GSG1L: variants seen among roughly 807,000 people sequenced by gnomAD.
GSG1L encodes the protein GSG1 like.
Under a neutral mutation model 42.1 loss-of-function variants are expected in GSG1L, and 24 were observed. The observed-to-expected ratio is 0.57, with a 90% confidence interval of 0.41 to 0.80. The LOEUF is 0.80. Among genes scored for constraint, GSG1L ranks in the 30% least tolerant of loss-of-function variants. The pLI, the probability that GSG1L is intolerant of heterozygous loss-of-function variation, is 0.00. For missense variants in GSG1L, 445 were observed against 472.2 expected, an observed-to-expected ratio of 0.94 and a Z score of 0.53; for synonymous variants, 215 against 203.5, an observed-to-expected ratio of 1.06 and a Z score of -0.48.
intron 3 of GSG1L, among the ~76,000 whole-genome samples, chr16:27,876,634 C>A (rs1351913380): frequency 6.6e-6 from 1 of 152,208 alleles, no homozygotes; most frequent in Non-Finnish European, 1.5e-5. Flanking sequence ...CTGCTCACAA[C>A]CTAGTTCCCG....
At chr16:27,983,722 C>A (rs1162742635) in intron 1 of GSG1L, among the ~76,000 whole-genome samples, 2 of 152,120 alleles carry the variant, frequency 1.3e-5, no homozygotes, top group Admixed American at 6.6e-5. Context: ...CTATCTCATT[C>A]TCCAAGAGCA....
rs548270405 is a variant in GSG1L, at chr16:28,013,012, G to T, written c.350-49809C>A. On this transcript the variant is annotated intron_variant, in intron 1 of 6. Coordinates refer to ENST00000447459, the MANE Select transcript of GSG1L (RefSeq NM_001109763.2). ...GGCCGAGGCGGGTGGATCACCTGAG[G>T]TCAGGAGTTCGAGACCAGCCTGACC... Among the ~76,000 whole-genome samples the T allele has an allele frequency of 3.3e-5, 5 of 151,970 alleles. No individual in the cohort carries two copies. The East Asian group carries it at 9.7e-4, about 29-fold the overall frequency.
chr16:27,947,862 C>T (rs901502648), intron 2 of GSG1L, among the ~76,000 whole-genome samples: 18 of 152,128 alleles, frequency 1.2e-4, no homozygotes, highest in African/African-American at 3.9e-4. Flanking sequence ...GCTCTCGGAG[C>T]CCTTTGCACT....
chr16:27,874,441 C>CTTTTTTTTTTTT lies in GSG1L; in HGVS notation c.550+10033_550+10044dup, dbSNP rs71140916. Among the ~76,000 whole-genome samples the CTTTTTTTTTTTT allele has an allele frequency of 4.5e-3, 422 of 94,376 alleles. 57 individuals are homozygous for CTTTTTTTTTTTT. The highest frequency in any genetic ancestry group is 9.4e-3 in the African/African-American group (254 of 26,924). 61.9% of individuals were successfully genotyped at this position (94,376 alleles called of 152,430 possible). On this transcript the variant is annotated intron_variant, in intron 3 of 6. Coordinates refer to ENST00000447459, the MANE Select transcript of GSG1L (RefSeq NM_001109763.2). Reference sequence around the variant, plus strand: ...TCTGGACACTGAAGCACAGGAGAGCCTTTTTTTTTTTTTTTTTTTTTTTTT... The same window carrying CTTTTTTTTTTTT: ...TCTGGACACTGAAGCACAGGAGAGCCTTTTTTTTTTTTTTTTTTTTTTTTTTTTTTTTTTTTT...
rs150136747 is a variant in GSG1L at position 27,954,852 on chromosome 16, G to A, written c.397+8304C>T. On this transcript the variant is annotated intron_variant, in intron 2 of 6. Coordinates refer to ENST00000447459, the MANE Select transcript of GSG1L (RefSeq NM_001109763.2). ...TTTTAAATTTTTCATAGAAACAGGG[G>A]TCTCACTATGTTACCTGGGCTGGTC... Among the ~76,000 whole-genome samples, 3 of 152,184 alleles carry A rather than the reference G, an allele frequency of 2.0e-5. No homozygotes were observed. In the East Asian group the frequency reaches 5.8e-4, roughly 29 times the overall value.
Position 28,063,574 on chromosome 16 carries a change from GCC to G in GSG1L, c.-152_-151del. The G allele has an allele frequency of 4.1e-6, 1 of 242,778 alleles. No homozygotes were observed. The highest frequency in any genetic ancestry group is 6.6e-6 in the Non-Finnish European group (1 of 150,842). The allele number at this position is 242,778 out of a possible 1,614,324, so 15.0% of individuals were successfully genotyped here. A position where few individuals can be genotyped will look rare whatever the true frequency, so the allele number is the denominator to read the frequency against. Reference sequence around the variant, plus strand: ...GGCGGCGGACGCGGCGCGGGCCCATGCCCCCCCCAACCCCGGGGTGGGGGCGC... The same window carrying G: ...GGCGGCGGACGCGGCGCGGGCCCATGCCCCCCAACCCCGGGGTGGGGGCGC... On this transcript the variant is annotated 5_prime_UTR_variant, in exon 1 of 7. Transcript: ENST00000447459. The surrounding 1 kb of genome is among the most constrained non-coding windows in gnomAD (Gnocchi z 5.8).
intron 5 of GSG1L, among the ~76,000 whole-genome samples, chr16:27,826,184 C>T (rs111505949): frequency 6.6e-6 from 1 of 152,254 alleles, no homozygotes; most frequent in South Asian, 2.1e-4. Flanking sequence ...ACTTGGAGTG[C>T]CTGAGGGATG....
intron 1 of GSG1L, among the ~76,000 whole-genome samples, chr16:28,055,867 G>A (rs76127377): frequency 1.3e-3 from 204 of 152,280 alleles, no homozygotes; most frequent in Middle Eastern, 3.4e-3. Flanking sequence ...AGAGGCCCGA[G>A]GTTGCAGCAT....
intron 3 of GSG1L, among the ~76,000 whole-genome samples, chr16:27,850,921 A>G (rs2083506119): frequency 6.6e-6 from 1 of 152,018 alleles, no homozygotes; most frequent in Admixed American, 6.5e-5. Flanking sequence ...AATTACAGGC[A>G]TGAGCCACCG....
At chr16:28,054,363 T>C (rs916682641) in intron 1 of GSG1L, among the ~76,000 whole-genome samples, 20 of 152,266 alleles carry the variant, frequency 1.3e-4, no homozygotes, top group Middle Eastern at 3.4e-3. Context: ...CTCTTCCATA[T>C]CTCACCCACA....
intron 6 of GSG1L, among the ~76,000 whole-genome samples, chr16:27,806,420 C>T (rs555603939): frequency 6.6e-6 from 1 of 152,300 alleles, no homozygotes; most frequent in Admixed American, 6.5e-5. Flanking sequence ...TTTGGATTCC[C>T]CAGCAGCAGA....
intron 1 of GSG1L, among the ~76,000 whole-genome samples, chr16:28,004,218 C>G (rs866201289): frequency 3.9e-5 from 6 of 152,310 alleles, no homozygotes; most frequent in Admixed American, 2.0e-4. Flanking sequence ...TCAGTGCTGG[C>G]TGCTCCCTTG....
chr16:27,818,793 C>CT lies in GSG1L; in HGVS notation c.830+9995dup, dbSNP rs915497411. Among the ~76,000 whole-genome samples, 19 of 149,574 alleles carry CT rather than the reference C, an allele frequency of 1.3e-4. 1 individual carries two copies. Among genetic ancestry groups the CT allele is most frequent in the Admixed American group, 6.7e-4 (10 of 14,978 alleles). ...GAAATAAATGGGTTTTTAAGAAGGACTTTTTTTTTTCTTTTCCCATTTTCT... is the reference window on the plus strand; with the variant it reads ...GAAATAAATGGGTTTTTAAGAAGGACTTTTTTTTTTTCTTTTCCCATTTTCT... On this transcript the variant is annotated intron_variant, in intron 5 of 6. Transcript: ENST00000447459.
At chr16:28,022,737 G>A (rs205377) in intron 1 of GSG1L, among the ~76,000 whole-genome samples, 43,152 of 152,048 alleles carry the variant, frequency 0.28, 6,598 homozygotes, top group South Asian at 0.48. Flanking sequence ...GTGCAATCTC[G>A]GCTCACTGCA....
chr16:27,824,440 C>A (rs1463702892), intron 5 of GSG1L, among the ~76,000 whole-genome samples: 1 of 152,048 alleles, frequency 6.6e-6, no homozygotes. Flanking sequence ...TTCCTGGCTG[C>A]GGCTCCAAGG....
chr16:27,901,956 C>T (rs1490715221), intron 2 of GSG1L, among the ~76,000 whole-genome samples: 7 of 152,198 alleles, frequency 4.6e-5, no homozygotes, highest in South Asian at 2.1e-4. Flanking sequence ...GTCACTTGGC[C>T]GGCTGCTTCC....
intron 1 of GSG1L, among the ~76,000 whole-genome samples, chr16:28,018,441 T>C (rs1264807803): frequency 6.6e-6 from 1 of 152,146 alleles, no homozygotes; most frequent in African/African-American, 2.4e-5. Flanking sequence ...TTCAGGATGG[T>C]GAGAAAGACT....
chr16:27,965,645 G>C (rs78926090), intron 1 of GSG1L, among the ~76,000 whole-genome samples: 1 of 152,274 alleles, frequency 6.6e-6, no homozygotes, highest in African/African-American at 2.4e-5. Flanking sequence ...CAGATGCTCA[G>C]GCCAAAACCC....
chr16:27,851,380 G>C (rs139747566), intron 3 of GSG1L, among the ~76,000 whole-genome samples: 1 of 151,934 alleles, frequency 6.6e-6, no homozygotes, highest in Non-Finnish European at 1.5e-5. Flanking sequence ...TATTTTTGTA[G>C]AAACAGGGTC....
Sources: gnomAD v4.1 joint callset for allele counts (sites outside exome capture counted in the v4.1 genomes callset) on GRCh38, gnomAD v4.1.1 for gene constraint, Gnocchi (gnomAD v3.1) non-coding constraint, MANE v1.5 for transcripts, NCBI Gene and HGNC (gene_info 2026-07-23, HGNC 2026-07-21) for gene names.